Variants in C9orf85 observed in about 807,000 individuals in gnomAD.
The protein encoded by C9orf85 is chromosome 9 open reading frame 85, also known as uncharacterized protein C9orf85.
C9orf85 carries 16 observed loss-of-function variants against 14.9 expected under a neutral mutation model. The ratio of observed to expected loss-of-function variants is 1.08; its 90% confidence interval spans 0.73 to 1.63. C9orf85 has a LOEUF of 1.63. Ranked by LOEUF, C9orf85 falls within the 40% of genes most tolerant of loss-of-function variation. The pLI is 0.00. For synonymous variants in C9orf85, 45 were observed against 56.8 expected (o/e 0.79, Z 0.93); for missense variants, 172 against 186.1 (o/e 0.92, Z 0.44).
intron 1 of C9orf85, 71 bp from the exon 2 acceptor site, chr9:71,946,935 A>G: frequency 7.1e-6 from 7 of 981,778 alleles, no homozygotes; most frequent in South Asian, 1.5e-5. Context: ...CATCTCATAC[A>G]CTCTTTTATG....
chr9:71,914,312 A>C (rs774879133), intron 1 of C9orf85, among the ~76,000 whole-genome samples: 8 of 151,988 alleles, frequency 5.3e-5, no homozygotes, highest in Non-Finnish European at 1.0e-4. Flanking sequence ...TTAAAACATT[A>C]TGAGATTTTT....
At chr9:71,944,984 G>C (rs143532365) in intron 1 of C9orf85, among the ~76,000 whole-genome samples, 1 of 152,210 alleles carries the variant, frequency 6.6e-6, no homozygotes, top group Non-Finnish European at 1.5e-5. Context: ...ACTCTGCACA[G>C]CTTTGTAAAT....
intron 2 of C9orf85, among the ~76,000 whole-genome samples, chr9:71,963,213 A>G (rs1822571940): frequency 6.6e-6 from 1 of 152,218 alleles, no homozygotes; most frequent in Non-Finnish European, 1.5e-5. Context: ...CAGGACTTTT[A>G]GTATCCATTA....
At chr9:71,934,643 T>C (rs568234833) in intron 1 of C9orf85, among the ~76,000 whole-genome samples, 1 of 151,872 alleles carries the variant, frequency 6.6e-6, no homozygotes, top group Non-Finnish European at 1.5e-5. Context: ...CTGAGGCAGG[T>C]GGATCACTTG....
At chr9:71,947,855 A>G (rs547165800) in intron 2 of C9orf85, among the ~76,000 whole-genome samples, 1 of 152,286 alleles carries the variant, frequency 6.6e-6, no homozygotes, top group East Asian at 1.9e-4. Context: ...CATGTTGGCC[A>G]GGCTGGCCTC....
rs141653434 is a variant in C9orf85 at position 71,956,075 on chromosome 9, C to T, written c.209+8963C>T. On this transcript the variant is annotated intron_variant, in intron 2 of 3. Transcript: ENST00000334731. Reference sequence around the variant, plus strand: ...GGAAAAATAAATGGATTTTTTAGTGCATTACTATGAAAGAATTTTTACATG... The same window carrying T: ...GGAAAAATAAATGGATTTTTTAGTGTATTACTATGAAAGAATTTTTACATG... Among the ~76,000 whole-genome samples the T allele has an allele frequency of 4.1e-3, 630 of 152,024 alleles. 5 individuals are homozygous for T. The highest frequency in any genetic ancestry group is 0.014 in the Middle Eastern group (4 of 294).
intron 1 of C9orf85, among the ~76,000 whole-genome samples, chr9:71,937,198 T>C (rs1828212411): frequency 2.0e-5 from 3 of 152,174 alleles, no homozygotes. Context: ...CTTGGGAAAA[T>C]AAAGTTGCTT....
At chr9:71,929,386 T>C (rs1317399133) in intron 1 of C9orf85, among the ~76,000 whole-genome samples, 2 of 152,238 alleles carry the variant, frequency 1.3e-5, no homozygotes, top group Admixed American at 6.5e-5. Context: ...TGAGTGCTTA[T>C]AAAAACATGT....
intron 3 of C9orf85, among the ~76,000 whole-genome samples, chr9:71,972,204 T>C (rs11795366): frequency 0.11 from 17,135 of 152,178 alleles, 1,111 homozygotes; most frequent in Middle Eastern, 0.15. Context: ...TTAATTTATT[T>C]GAGCCTACTT....
intron 2 of C9orf85, among the ~76,000 whole-genome samples, chr9:71,956,250 T>G (rs1175370430): frequency 4.8e-5 from 7 of 145,394 alleles, no homozygotes; most frequent in African/African-American, 1.0e-4. Context: ...AAGTTTTTTT[T>G]TTTTTTTTTT....
chr9:71,938,597 C>G (rs17057300), intron 1 of C9orf85, among the ~76,000 whole-genome samples: 2,992 of 151,846 alleles, frequency 0.02, 67 homozygotes, highest in African/African-American at 0.056. Flanking sequence ...CATGTAAACT[C>G]TTTTTAGAGA....
At chr9:71,983,938 A>G (rs1823155319), downstream of C9orf85, 1 of 152,216 alleles carries the variant, frequency 6.6e-6, no homozygotes, top group Admixed American at 6.5e-5. Context: ...TAAATAAACA[A>G]ACATGCTGGA....
chr9:71,954,094 CAG>C (rs973030003), intron 2 of C9orf85, among the ~76,000 whole-genome samples: 8 of 133,154 alleles, frequency 6.0e-5, no homozygotes, highest in African/African-American at 2.3e-4. Context: ...GCCTGGGTGA[CAG>C]AGCAAGACCC....
intron 1 of C9orf85, among the ~76,000 whole-genome samples, chr9:71,924,566 G>C (rs1406246959): frequency 6.6e-6 from 1 of 152,146 alleles, no homozygotes; most frequent in East Asian, 1.9e-4. Flanking sequence ...CCCAGTTTTG[G>C]AGGTCAGCTG....
chr9:71,927,255 T>A (rs1827952275), intron 1 of C9orf85, among the ~76,000 whole-genome samples: 1 of 105,378 alleles, frequency 9.5e-6, no homozygotes, highest in African/African-American at 3.4e-5. Context: ...TCATCCAGGC[T>A]GAAAGTTTGT....
chr9:71,915,261 A>T (rs564865852), intron 1 of C9orf85, among the ~76,000 whole-genome samples: 2 of 151,326 alleles, frequency 1.3e-5, no homozygotes, highest in East Asian at 3.9e-4. Flanking sequence ...GATCACCACA[A>T]CCTCCACCTC....
chr9:71,944,100 G>A (rs887201685), intron 1 of C9orf85, among the ~76,000 whole-genome samples: 7 of 151,700 alleles, frequency 4.6e-5, no homozygotes, highest in Non-Finnish European at 8.8e-5. Context: ...CTGGCATGCT[G>A]GTGCACGCCT....
intron 1 of C9orf85, among the ~76,000 whole-genome samples, chr9:71,923,799 C>T (rs552781007): frequency 1.3e-4 from 20 of 152,176 alleles, no homozygotes; most frequent in African/African-American, 4.3e-4. Flanking sequence ...TGAGGCTAGC[C>T]GCTCCACAAC....
At chr9:71,982,672 G>C (rs1043582870) in exon 4 of C9orf85, 6 of 284,306 alleles carry the variant, frequency 2.1e-5, no homozygotes, top group African/African-American at 2.0e-4. Context: ...GTCTCCCTCT[G>C]TTGCCCAGGC....
Sources: gnomAD v4.1 joint callset for allele counts (sites outside exome capture counted in the v4.1 genomes callset) on GRCh38, gnomAD v4.1.1 for gene constraint, MANE v1.5 for transcripts, NCBI Gene and HGNC (gene_info 2026-07-23, HGNC 2026-07-21) for gene names.